The following CHN2 variants were observed in gnomAD, a reference collection of about 807,000 sequenced individuals.
CHN2 encodes chimerin 2.
CHN2 carries 35 observed loss-of-function variants against 56.3 expected under a neutral mutation model. The ratio of observed to expected loss-of-function variants is 0.62; its 90% CI spans 0.47 to 0.82. CHN2 has a LOEUF of 0.82. Ranked by LOEUF, CHN2 falls within the 40% of genes least tolerant of loss-of-function variation. The probability of loss-of-function intolerance (pLI) is 0.00; values close to 1 mark genes in which losing one functional copy is unlikely to be tolerated. For synonymous variants in CHN2, 210 were observed against 212.8 expected (o/e 0.99, Z 0.12); for missense variants, 491 against 580.5 (o/e 0.85, Z 1.58).
chr7:29,445,235 C>G, intron 6 of CHN2: 1 of 450,260 alleles, frequency 2.2e-6, no homozygotes, highest in Admixed American at 2.4e-5. Context: ...ATTGGGAACA[C>G]TGAGAACCCT....
At chr7:29,151,354 T>C (rs1405157710) in intron 2 of CHN2, among the ~76,000 whole-genome samples, 1 of 152,218 alleles carries the variant, frequency 6.6e-6, no homozygotes, top group African/African-American at 2.4e-5. Context: ...ATCCAGATGG[T>C]TTAGCGCCCT....
chr7:29,430,279 GCCTACCC>G (rs1463213469), intron 6 of CHN2, among the ~76,000 whole-genome samples: 1 of 152,118 alleles, frequency 6.6e-6, no homozygotes, highest in African/African-American at 2.4e-5. Flanking sequence ...CCACTACATG[GCCTACCC>G]CCTTGATTTG....
At chr7:29,353,923 G>A (rs1291588044) in intron 1 of CHN2, among the ~76,000 whole-genome samples, 1 of 152,198 alleles carries the variant, frequency 6.6e-6, no homozygotes, top group Non-Finnish European at 1.5e-5. Context: ...TCAGCTGTCA[G>A]CATTGGGATG....
chr7:29,457,511 A>G (rs2128135116), intron 6 of CHN2, among the ~76,000 whole-genome samples: 1 of 152,238 alleles, frequency 6.6e-6, no homozygotes, highest in South Asian at 2.1e-4. Flanking sequence ...ATAACAAAGT[A>G]TGTTTGTTTC....
chr7:29,435,766 T>G (rs1004540471), intron 6 of CHN2, among the ~76,000 whole-genome samples: 1 of 152,210 alleles, frequency 6.6e-6, no homozygotes, highest in Admixed American at 6.5e-5. Flanking sequence ...GAACCACCAG[T>G]CTAGGAATTC....
At chr7:29,264,242 CCCTCT>C (rs1789916914) in intron 1 of CHN2, among the ~76,000 whole-genome samples, 1 of 145,544 alleles carries the variant, frequency 6.9e-6, no homozygotes, top group Admixed American at 6.8e-5. Flanking sequence ...GGTGGGGGGC[CCCTCT>C]GCCCAGCAGC....
chr7:29,377,865 C>T (rs1800195766), intron 3 of CHN2, among the ~76,000 whole-genome samples: 1 of 152,242 alleles, frequency 6.6e-6, no homozygotes, highest in South Asian at 2.1e-4. Flanking sequence ...TCCTTATTTA[C>T]ATGGCCAGTG....
intron 6 of CHN2, among the ~76,000 whole-genome samples, chr7:29,402,210 G>A (rs1179812576): frequency 6.6e-6 from 1 of 152,186 alleles, no homozygotes; most frequent in Admixed American, 6.5e-5. Context: ...TCCCGTTGGT[G>A]GAGACAGGGA....
Position 29,268,854 on chromosome 7 carries a change from A to G in CHN2, c.49+73864A>G, listed in dbSNP as rs559333819. On this transcript the variant is annotated intron_variant, in intron 1 of 12. Transcript: ENST00000222792. ...AGAGGAAACACCTTGATTCACTCAA[A>G]TGGGCCACGGTCAGATAATTAGAGA... Among the ~76,000 whole-genome samples, 8 of 152,244 alleles carry G rather than the reference A, an allele frequency of 5.3e-5. No homozygotes were observed. The South Asian group carries it at 8.3e-4, about 16-fold the overall frequency.
chr7:29,384,130 A>G (rs1184386018), intron 3 of CHN2, among the ~76,000 whole-genome samples: 1 of 152,196 alleles, frequency 6.6e-6, no homozygotes, highest in Non-Finnish European at 1.5e-5. Context: ...AGGCTGAGCC[A>G]TTAGGTGTGA....
intron 1 of CHN2, among the ~76,000 whole-genome samples, chr7:29,329,840 C>T (rs1796086387): frequency 6.6e-6 from 1 of 152,190 alleles, no homozygotes. Flanking sequence ...AAAACAGGAA[C>T]TGTGGCTTTT....
intron 1 of CHN2, among the ~76,000 whole-genome samples, chr7:29,271,856 G>T (rs546127614): frequency 6.6e-6 from 1 of 152,170 alleles, no homozygotes; most frequent in East Asian, 1.9e-4. Context: ...GGGCAGCGGG[G>T]GAGCATTTTT....
intron 1 of CHN2, among the ~76,000 whole-genome samples, chr7:29,239,558 A>G (rs1355830867): frequency 6.6e-6 from 1 of 152,188 alleles, no homozygotes; most frequent in African/African-American, 2.4e-5. Flanking sequence ...AAAATCTGTC[A>G]CATTAATTCT....
intron 6 of CHN2, chr7:29,401,038 G>A (rs1253904791): frequency 5.3e-6 from 3 of 563,174 alleles, no homozygotes; most frequent in Non-Finnish European, 9.4e-6. Flanking sequence ...GGAGGCCGAG[G>A]CAGGTGGATC....
At chr7:29,466,048 A>G (rs577715179) in intron 6 of CHN2, among the ~76,000 whole-genome samples, 1 of 152,278 alleles carries the variant, frequency 6.6e-6, no homozygotes, top group East Asian at 1.9e-4. Context: ...TATTAAAAAT[A>G]TGAAAATTAG....
chr7:29,217,497 C>T (rs992905733), intron 1 of CHN2, among the ~76,000 whole-genome samples: 2 of 152,160 alleles, frequency 1.3e-5, no homozygotes, highest in African/African-American at 4.8e-5. Context: ...GCACTTGGCA[C>T]TTTTGTTAGC....
chr7:29,270,375 C>T (rs1042339158), intron 1 of CHN2, among the ~76,000 whole-genome samples: 3 of 151,326 alleles, frequency 2.0e-5, no homozygotes, highest in East Asian at 3.9e-4. Flanking sequence ...TGATCTAGGT[C>T]GAACGCAGTG....
intron 1 of CHN2, among the ~76,000 whole-genome samples, chr7:29,242,814 T>C (rs1055941602): frequency 2.1e-5 from 3 of 143,030 alleles, no homozygotes; most frequent in African/African-American, 7.8e-5. Flanking sequence ...AAGATTCAGA[T>C]GACATTTCTA....
intron 6 of CHN2, among the ~76,000 whole-genome samples, chr7:29,442,367 C>A (rs556973672): frequency 8.8e-4 from 134 of 152,210 alleles, no homozygotes; most frequent in African/African-American, 3.1e-3. Context: ...CACGTGCCAA[C>A]CAAATAGGAT....
Sources: gnomAD v4.1 joint callset for allele counts (sites outside exome capture counted in the v4.1 genomes callset) on GRCh38, gnomAD v4.1.1 for gene constraint, MANE v1.5 for transcripts, NCBI Gene and HGNC (gene_info 2026-07-23, HGNC 2026-07-21) for gene names.